Variants in OPHN1 observed in about 807,000 individuals in gnomAD.
OPHN1 encodes the protein oligophrenin-1.
A neutral mutation model predicts 60.7 loss-of-function variants in OPHN1; 11 were observed. The observed-to-expected ratio is 0.18, with a 90% CI of 0.11 to 0.30. The LOEUF is 0.30. OPHN1 is among the 10% of genes least tolerant of loss of function. OPHN1 has a pLI of 1.00. For missense variants in OPHN1, 449 were observed against 611.0 expected (o/e 0.73, Z 2.80); for synonymous variants, 226 against 222.6 (o/e 1.02, Z -0.14).
intron 2 of OPHN1, among the ~76,000 whole-genome samples, chrX:68,418,481 G>A (rs2078810174): frequency 9.0e-6 from 1 of 111,254 alleles, no homozygotes; most frequent in Non-Finnish European, 1.9e-5. Flanking sequence ...ACAGACATCA[G>A]GGAGAATCAG....
chrX:68,317,359 GAAAGAAAGAAAGAAAGA>G (rs1569278048), intron 2 of OPHN1, among the ~76,000 whole-genome samples: 3 of 64,490 alleles, frequency 4.7e-5, no homozygotes, highest in African/African-American at 2.1e-4. Flanking sequence ...AAGAAAGAAA[GAAAGAAAGAAAGAAAGA>G]AAGGAAGGAA....
chrX:68,342,731 CA>C (rs1307332018), intron 2 of OPHN1, among the ~76,000 whole-genome samples: 1 of 110,874 alleles, frequency 9.0e-6, no homozygotes, highest in Non-Finnish European at 1.9e-5. Flanking sequence ...CGCTTGAACC[CA>C]GGAGTTTGAG....
Position 68,315,659 on chromosome X carries a change from G to A in OPHN1, c.155-16563C>T, listed in dbSNP as rs73212879. ...GCCAATGACATGAACTTAACATGCA[G>A]AAAATCCCTAAAATTCACAAAAAAT... is the stretch of plus-strand genomic sequence containing the variant. On this transcript the variant is annotated intron_variant, in intron 2 of 24. Transcript: ENST00000355520. 4.5e-3 allele frequency among the ~76,000 whole-genome samples: 498 copies of A among 111,170 alleles called. 4 individuals are homozygous for A. Among genetic ancestry groups the A allele is most frequent in the Non-Finnish European group, 5.5e-3 (292 of 53,003 alleles).
intron 2 of OPHN1, among the ~76,000 whole-genome samples, chrX:68,301,598 A>T (rs1242834844): frequency 9.0e-6 from 1 of 111,679 alleles, no homozygotes; most frequent in Non-Finnish European, 1.9e-5. Flanking sequence ...TGACTTCTAG[A>T]CTACAAAGAA....
chrX:68,196,648 G>A (rs775092583), intron 12 of OPHN1, among the ~76,000 whole-genome samples: 10 of 111,620 alleles, frequency 9.0e-5, no homozygotes, highest in Non-Finnish European at 1.3e-4. Context: ...CTGCATAACC[G>A]TGTTCTAAAT....
intron 5 of OPHN1, among the ~76,000 whole-genome samples, chrX:68,264,753 G>C (rs1487717033): frequency 8.9e-6 from 1 of 112,461 alleles, no homozygotes; most frequent in Non-Finnish European, 1.9e-5. Flanking sequence ...GGAAGTGCAA[G>C]GGGTCAGGGA....
chrX:68,359,039 T>C (rs2078456683), intron 2 of OPHN1, among the ~76,000 whole-genome samples: 1 of 112,136 alleles, frequency 8.9e-6, no homozygotes, highest in Non-Finnish European at 1.9e-5. Context: ...GAAGAGCCAG[T>C]GTGGCTAGGA....
At chrX:68,152,969 G>C (rs2077291844) in intron 15 of OPHN1, among the ~76,000 whole-genome samples, 1 of 109,588 alleles carries the variant, frequency 9.1e-6, no homozygotes. Flanking sequence ...CCAGCACTTT[G>C]GGAGGCCAAG....
At chrX:68,115,163 T>C (rs2077121815) in intron 16 of OPHN1, among the ~76,000 whole-genome samples, 1 of 112,483 alleles carries the variant, frequency 8.9e-6, no homozygotes, top group Non-Finnish European at 1.9e-5. Context: ...CAAAATATTT[T>C]AAAATGAGAT....
chrX:68,342,028 G>A (rs183152447), intron 2 of OPHN1, among the ~76,000 whole-genome samples: 1,626 of 97,908 alleles, frequency 0.017, 34 homozygotes, highest in African/African-American at 0.05. Flanking sequence ...AAAGTGCAGC[G>A]GCACAATCTC....
chrX:68,075,765 G>A (rs1282272733), intron 19 of OPHN1, among the ~76,000 whole-genome samples: 2 of 71,757 alleles, frequency 2.8e-5, no homozygotes, highest in Non-Finnish European at 5.0e-5. Context: ...CTGGAACAAT[G>A]TGATATACAT....
chrX:68,179,422 A>G (rs987506817), intron 15 of OPHN1, among the ~76,000 whole-genome samples: 4 of 112,126 alleles, frequency 3.6e-5, no homozygotes, highest in African/African-American at 1.3e-4. Context: ...TAAAACATTT[A>G]TATTATGAAA....
intron 5 of OPHN1, among the ~76,000 whole-genome samples, chrX:68,241,510 A>T (rs925009607): frequency 1.8e-5 from 2 of 112,313 alleles, no homozygotes; most frequent in East Asian, 2.8e-4. Context: ...AGTGAGTATT[A>T]AAAAAAGTTA....
chrX:68,088,546 C>G (rs766977628), intron 19 of OPHN1, among the ~76,000 whole-genome samples: 1 of 111,124 alleles, frequency 9.0e-6, no homozygotes, highest in Non-Finnish European at 1.9e-5. Flanking sequence ...CTAAGAAAAG[C>G]CTCTTTTGAC....
At chrX:68,275,822 T>C (rs1236620785) in intron 4 of OPHN1, among the ~76,000 whole-genome samples, 1 of 111,498 alleles carries the variant, frequency 9.0e-6, no homozygotes. Context: ...GGGGCATTAG[T>C]GCATAGGTTA....
At chrX:68,126,787 T>C (rs1434170242) in intron 15 of OPHN1, among the ~76,000 whole-genome samples, 2 of 112,125 alleles carry the variant, frequency 1.8e-5, no homozygotes, top group African/African-American at 6.5e-5. Context: ...CAAGACAGTA[T>C]TCATAGAGGA....
At chrX:68,369,785 GA>G (rs2078517597) in intron 2 of OPHN1, among the ~76,000 whole-genome samples, 1 of 108,052 alleles carries the variant, frequency 9.3e-6, no homozygotes, top group Non-Finnish European at 1.9e-5. Context: ...CCAATTTGAT[GA>G]AAGACATGAA....
Position 68,331,557 on chromosome X carries a change from C to A in OPHN1, c.155-32461G>T, listed in dbSNP as rs182496691. ...GACCAGCCTGGCCAATACGGTGTAA[C>A]CCAGTCTCTACTAAAAAAACAAAAT... On this transcript the variant is annotated intron_variant, in intron 2 of 24. Coordinates refer to ENST00000355520, the MANE Select transcript of OPHN1 (RefSeq NM_002547.3). Among the ~76,000 whole-genome samples, 515 of 107,653 alleles carry A rather than the reference C, an allele frequency of 4.8e-3. 2 individuals are homozygous for A. The highest frequency in any genetic ancestry group is 8.8e-3 in the Non-Finnish European group (458 of 52,334). The allele number at this position is 107,653 out of a possible 115,157, so 93.5% of individuals were successfully genotyped here.
chrX:68,403,177 C>T (rs1033175791), intron 2 of OPHN1, among the ~76,000 whole-genome samples: 1 of 112,353 alleles, frequency 8.9e-6, no homozygotes, highest in South Asian at 3.7e-4. Flanking sequence ...AGCAGCACAG[C>T]TGCCAAATGT....
Sources: allele counts gnomAD v4.1 joint callset (sites outside exome capture counted in the v4.1 genomes callset), GRCh38; gene constraint gnomAD v4.1.1; transcripts MANE v1.5; gene names NCBI Gene and HGNC (gene_info 2026-07-23, HGNC 2026-07-21).